The following TMEM45A variants were observed in gnomAD, a reference collection of about 807,000 sequenced individuals.
TMEM45A encodes the protein transmembrane protein 45A, also known as DNA polymerase-transactivated protein 4.
TMEM45A carries 25 observed loss-of-function variants against 32.0 expected under a neutral mutation model. That is an observed-to-expected ratio of 0.78 (90% confidence interval 0.57 to 1.09). TMEM45A has a LOEUF of 1.09. Ranked by LOEUF, TMEM45A falls within the 50% of genes least tolerant of loss-of-function variation. TMEM45A has a pLI of 0.00. For synonymous variants in TMEM45A, 122 were observed against 114.8 expected (o/e 1.06, Z -0.40); for missense variants, 302 against 325.0 (o/e 0.93, Z 0.54).
chr3:100,566,120 A>G (rs568131061), intron 4 of TMEM45A, among the ~76,000 whole-genome samples: 6 of 152,112 alleles, frequency 3.9e-5, no homozygotes, highest in Non-Finnish European at 8.8e-5. Flanking sequence ...TTTATGGTCG[A>G]TTGATAGTCC....
intron 5 of TMEM45A, among the ~76,000 whole-genome samples, chr3:100,576,083 C>T (rs145916407): frequency 1.8e-4 from 27 of 152,120 alleles, no homozygotes; most frequent in African/African-American, 4.1e-4. Flanking sequence ...GAGGCTGAGG[C>T]GGTCAGATCA....
intron 4 of TMEM45A, among the ~76,000 whole-genome samples, chr3:100,560,684 C>T (rs2148986907): frequency 6.6e-6 from 1 of 152,054 alleles, no homozygotes; most frequent in East Asian, 1.9e-4. Context: ...TAGGAGTCCT[C>T]ATATATTTAC....
At chr3:100,569,484 A>G (rs931417637) in intron 5 of TMEM45A, among the ~76,000 whole-genome samples, 1 of 152,218 alleles carries the variant, frequency 6.6e-6, no homozygotes, top group Non-Finnish European at 1.5e-5. Context: ...ATAATGTTCC[A>G]TAGGTGGGTA....
chr3:100,557,089 C>A, intron 3 of TMEM45A, 117 bp downstream of exon 3: 1 of 1,135,142 alleles, frequency 8.8e-7, no homozygotes, highest in South Asian at 1.4e-5. Context: ...GACCATATAT[C>A]TGGGCCATAA....
chr3:100,524,851 G>T (rs967578631), intron 1 of TMEM45A, among the ~76,000 whole-genome samples: 4 of 152,006 alleles, frequency 2.6e-5, no homozygotes, highest in African/African-American at 7.2e-5. Flanking sequence ...TTCCTAGTAT[G>T]TGGTCTTAAT....
chr3:100,558,505 C>G lies in TMEM45A; in HGVS notation c.504C>G (p.Phe168Leu). The G allele has an allele frequency of 2.5e-6, 4 of 1,614,142 alleles. No homozygotes were observed. The highest frequency in any genetic ancestry group is 3.4e-6 in the Non-Finnish European group (4 of 1,180,014). Reference protein sequence around the residue: ...LVVFLTGLVAFLEFLVRNNVL... With the variant: ...LVVFLTGLVALLEFLVRNNVL... ...TCTTTCTGACAGGCCTCGTTGCCTT[C>G]CTAGAGTTCCTTGTTCGGAACAATG... is the stretch of plus-strand genomic sequence containing the variant. The change falls in exon 4 of 6, where the codon TTC becomes TTG. Residue 168 changes from phenylalanine (F) to leucine (L), a missense_variant. Transcript: ENST00000323523.
chr3:100,507,717 T>C (rs1218982733), intron 1 of TMEM45A, among the ~76,000 whole-genome samples: 2 of 152,056 alleles, frequency 1.3e-5, no homozygotes, highest in African/African-American at 2.4e-5. Context: ...ACAATTCACT[T>C]ACAGTTTTTA....
chr3:100,574,177 C>T (rs1706632813), intron 5 of TMEM45A: 2 of 151,888 alleles, frequency 1.3e-5, no homozygotes, highest in South Asian at 2.1e-4. Context: ...AGGAATGGTA[C>T]AAAAAACCTT....
At chr3:100,535,476 T>C (rs1705725374) in intron 1 of TMEM45A, among the ~76,000 whole-genome samples, 1 of 152,230 alleles carries the variant, frequency 6.6e-6, no homozygotes, top group Non-Finnish European at 1.5e-5. Context: ...AATGTTTTGA[T>C]ATCACCTCAT....
chr3:100,577,089 T>C lies in TMEM45A; in HGVS notation c.*71T>C. 1.5e-6 allele frequency: 2 copies of C among 1,336,094 alleles called. No homozygotes were observed. Among genetic ancestry groups the C allele is most frequent in the Middle Eastern group, 1.8e-4 (1 of 5,418 alleles). The allele number at this position is 1,336,094 out of a possible 1,614,324, so 82.8% of individuals were successfully genotyped here. A position where few individuals can be genotyped will look rare whatever the true frequency, so the allele number is the denominator to read the frequency against. Reference sequence around the variant, plus strand: ...CATTGTTCTTGGTTTTGTTTCTCGATCTTTTGTTTGGAGAACAGCTGGCTA... The same window carrying C: ...CATTGTTCTTGGTTTTGTTTCTCGACCTTTTGTTTGGAGAACAGCTGGCTA... On this transcript the variant is annotated 3_prime_UTR_variant, in exon 6 of 6. Transcript: ENST00000323523.
chr3:100,512,952 A>G (rs1265342436), intron 1 of TMEM45A, among the ~76,000 whole-genome samples: 1 of 151,404 alleles, frequency 6.6e-6, no homozygotes, highest in African/African-American at 2.4e-5. Flanking sequence ...GAATAGACCA[A>G]TAACAGGATC....
intron 1 of TMEM45A, among the ~76,000 whole-genome samples, chr3:100,526,597 G>A (rs1037225160): frequency 6.6e-5 from 10 of 152,148 alleles, no homozygotes; most frequent in Non-Finnish European, 1.2e-4. Context: ...AAAGTAATTT[G>A]TATCCCTTGG....
intron 1 of TMEM45A, among the ~76,000 whole-genome samples, chr3:100,545,973 T>G (rs1229892231): frequency 6.6e-6 from 1 of 152,242 alleles, no homozygotes; most frequent in Non-Finnish European, 1.5e-5. Flanking sequence ...ATTATTCTGG[T>G]GGACTCAGTC....
At chr3:100,496,665 C>A (rs1346502594) in intron 1 of TMEM45A, among the ~76,000 whole-genome samples, 1 of 152,182 alleles carries the variant, frequency 6.6e-6, no homozygotes, top group Non-Finnish European at 1.5e-5. Context: ...GAAATGTGCT[C>A]CATATGGAGA....
At chr3:100,497,457 TTAAG>T (rs1183807964) in intron 1 of TMEM45A, among the ~76,000 whole-genome samples, 3 of 152,314 alleles carry the variant, frequency 2.0e-5, no homozygotes, top group Non-Finnish European at 2.9e-5. Flanking sequence ...TTCAATGGCA[TTAAG>T]TACATTCACA....
At chr3:100,561,710 A>G (rs1172635143) in intron 4 of TMEM45A, among the ~76,000 whole-genome samples, 2 of 152,262 alleles carry the variant, frequency 1.3e-5, no homozygotes, top group Non-Finnish European at 2.9e-5. Flanking sequence ...TCTCATTCCC[A>G]AGCTCCCTCC....
chr3:100,520,908 T>C lies in TMEM45A; in HGVS notation c.-4+27980T>C, dbSNP rs1342754943. On this transcript the variant is annotated intron_variant, in intron 1 of 5. Transcript: ENST00000323523. ...ATGGTGTCACAGCCAGGCTGGGACCTGGAAGCAACCTTTGCAGTACGAGGA... is the reference window on the plus strand; with the variant it reads ...ATGGTGTCACAGCCAGGCTGGGACCCGGAAGCAACCTTTGCAGTACGAGGA... Among the ~76,000 whole-genome samples the C allele has an allele frequency of 7.2e-5, 11 of 152,132 alleles. 1 individual carries two copies. Among genetic ancestry groups the C allele is most frequent in the Admixed American group, 7.2e-4 (11 of 15,270 alleles).
At position 100,577,185 on chromosome 3, in the gene TMEM45A, T is replaced by G; in HGVS notation, c.*167T>G. 1 of 547,458 alleles carries G rather than the reference T, an allele frequency of 1.8e-6. No individual in the cohort carries two copies. Among genetic ancestry groups the G allele is most frequent in the East Asian group, 3.4e-5 (1 of 29,744 alleles). 33.9% of individuals were successfully genotyped at this position (547,458 alleles called of 1,614,324 possible). The stretch of plus-strand genomic sequence containing the variant: ...TATTTGAATTTAAATATTTTCTTTT[T>G]AGCTTTGAAAATATTTTGGGTGATA... On this transcript the variant is annotated 3_prime_UTR_variant, in exon 6 of 6. Transcript: ENST00000323523.
In TMEM45A at chr3:100,568,938, C is replaced by T. The variant is rs966447808; in HGVS notation, c.705C>T (p.Ile235=). 4.3e-6 allele frequency: 7 copies of T among 1,613,094 alleles called. No individual in the cohort carries two copies. Among genetic ancestry groups the T allele is most frequent in the African/African-American group, 1.3e-5 (1 of 74,870 alleles). ...GGCATTATGCAGTAACCATTGTCAT[C>T]GTTGGAATGAATTATGCTTTCATTA... ...FCWHYAVTIV[I]VGMNYAFITW... is the part of the protein sequence containing the mutation. Residue 235 remains isoleucine, a synonymous_variant, in exon 5 of 6, where the codon ATC becomes ATT. Coordinates refer to ENST00000323523, the MANE Select transcript of TMEM45A (RefSeq NM_018004.3).
Sources: gnomAD v4.1 joint callset for allele counts (sites outside exome capture counted in the v4.1 genomes callset) on GRCh38, gnomAD v4.1.1 for gene constraint, MANE v1.5 for transcripts, NCBI Gene and HGNC (gene_info 2026-07-23, HGNC 2026-07-21) for gene names.